The following SH3RF2 variants were observed in gnomAD, a reference collection of about 807,000 sequenced individuals.
SH3RF2 encodes the protein E3 ubiquitin-protein ligase SH3RF2.
In SH3RF2, 43 loss-of-function variants were observed where a neutral mutation model predicts 59.0. The observed-to-expected ratio is 0.73, with a 90% CI of 0.57 to 0.94. The LOEUF is 0.94. Ranked by LOEUF, SH3RF2 falls within the 40% of genes least tolerant of loss-of-function variation. The pLI is 0.00. For synonymous variants in SH3RF2, 391 were observed against 391.5 expected (o/e 1.00, Z 0.01); for missense variants, 930 against 940.1 (o/e 0.99, Z 0.14).
In SH3RF2 at chr5:145,995,991, C is replaced by T. The variant is rs78628318; in HGVS notation, c.379-4067C>T. ...TTATTCCACAGCATTATGTTAAACCCCCTAGCACATATATCTTTGCTCATT... is the reference window on the plus strand; with the variant it reads ...TTATTCCACAGCATTATGTTAAACCTCCTAGCACATATATCTTTGCTCATT... On this transcript the variant is annotated intron_variant, in intron 2 of 9. Transcript: ENST00000359120. 6.9e-3 allele frequency among the ~76,000 whole-genome samples: 1,043 copies of T among 152,142 alleles called. 12 individuals are homozygous for T. Among genetic ancestry groups the T allele is most frequent in the African/African-American group, 0.024 (1,003 of 41,488 alleles).
intron 5 of SH3RF2, among the ~76,000 whole-genome samples, chr5:146,035,073 T>C: frequency 6.6e-6 from 1 of 150,816 alleles, no homozygotes; most frequent in South Asian, 2.1e-4. Context: ...GCCACTGTAC[T>C]CCAGCCTGGG....
Position 146,062,677 on chromosome 5 carries a change from G to A in SH3RF2, c.2166G>A (p.Thr722=), listed in dbSNP as rs141207819. The A allele has an allele frequency of 2.3e-4, 364 of 1,613,516 alleles. No individual in the cohort carries two copies. Among genetic ancestry groups the A allele is most frequent in the Non-Finnish European group, 2.9e-4 (339 of 1,179,600 alleles). Residue 722 remains threonine, a synonymous_variant, in exon 10 of 10, where the codon ACG becomes ACA. Transcript: ENST00000359120. ...ATTLVSTASG[T]QTVFPSK ...CCCTGGTGTCCACTGCCTCAGGCAC[G>A]CAGACCGTGTTTCCCAGCAAATGAA...
chr5:146,071,209 T>C (rs1381330767), intron 9 of SH3RF2, among the ~76,000 whole-genome samples: 3 of 152,170 alleles, frequency 2.0e-5, no homozygotes, highest in Admixed American at 6.5e-5. Flanking sequence ...CAAAAAGGAA[T>C]TCAAATAAAT....
intron 2 of SH3RF2, among the ~76,000 whole-genome samples, chr5:145,946,722 T>C (rs1490648523): frequency 6.6e-6 from 1 of 152,192 alleles, no homozygotes; most frequent in Non-Finnish European, 1.5e-5. Flanking sequence ...TCTTACATCA[T>C]ACACCACAAA....
chr5:146,031,545 C>A lies in SH3RF2; in HGVS notation c.1060-16227C>A, dbSNP rs757707543. On this transcript the variant is annotated intron_variant, in intron 5 of 9. Coordinates refer to ENST00000359120, the MANE Select transcript of SH3RF2 (RefSeq NM_152550.4). ...AAGAAATAAGTATGTAAGTGAATGA[C>A]GGAGGGAGGGATCAACAGGGTGGGT... 3.3e-5 allele frequency among the ~76,000 whole-genome samples: 5 copies of A among 152,092 alleles called. No homozygotes were observed. In the East Asian group the frequency reaches 7.7e-4, roughly 23 times the overall value.
At chr5:146,037,904 C>G (rs1254954024) in intron 5 of SH3RF2, among the ~76,000 whole-genome samples, 1 of 152,170 alleles carries the variant, frequency 6.6e-6, no homozygotes, top group Non-Finnish European at 1.5e-5. Flanking sequence ...CTGCTTCACT[C>G]AGGAACACAG....
intron 4 of SH3RF2, 100 bp from the exon 5 acceptor site, chr5:146,013,647 A>G (rs1287387583): frequency 8.1e-7 from 1 of 1,234,770 alleles, no homozygotes; most frequent in East Asian, 2.4e-5. Flanking sequence ...GTGACTGAGG[A>G]GGTGGCACCT....
chr5:146,002,488 G>GGAAGGAAGGAA (rs1209184881), intron 3 of SH3RF2, among the ~76,000 whole-genome samples: 3 of 141,022 alleles, frequency 2.1e-5, no homozygotes, highest in African/African-American at 8.0e-5. Context: ...AAGGAAGGAA[G>GGAAGGAAGGAA]GAAGGAAGGA....
intron 9 of SH3RF2, among the ~76,000 whole-genome samples, chr5:146,078,063 G>A (rs1251831481): frequency 2.0e-5 from 3 of 152,146 alleles, no homozygotes; most frequent in African/African-American, 7.2e-5. Context: ...GCCAACCTCT[G>A]AGTGTAAAAG....
exon 10 of SH3RF2, chr5:146,081,275 T>C (rs1288084546): frequency 1.3e-5 from 2 of 151,498 alleles, no homozygotes; most frequent in African/African-American, 2.4e-5. Flanking sequence ...GGAGCACGTA[T>C]TTTTTTTTCA....
intron 2 of SH3RF2, among the ~76,000 whole-genome samples, chr5:145,987,745 G>A (rs1338602437): frequency 2.0e-5 from 3 of 152,046 alleles, no homozygotes; most frequent in Non-Finnish European, 4.4e-5. Context: ...AATATTTGTT[G>A]AAAGCAAAAA....
intron 5 of SH3RF2, among the ~76,000 whole-genome samples, chr5:146,022,282 A>G (rs935830086): frequency 6.6e-6 from 1 of 152,142 alleles, no homozygotes; most frequent in African/African-American, 2.4e-5. Flanking sequence ...ATCTTGGCTC[A>G]TTGCAACCTC....
chr5:145,997,480 C>A, intron 2 of SH3RF2: 2 of 1,563,926 alleles, frequency 1.3e-6, no homozygotes, highest in African/African-American at 2.7e-5. Context: ...ATAATGGATA[C>A]AGTACAATTT....
Position 146,057,418 on chromosome 5 carries a change from T to C in SH3RF2, c.1555+1205T>C, listed in dbSNP as rs140946252. Among the ~76,000 whole-genome samples the C allele has an allele frequency of 1.4e-3, 217 of 152,284 alleles. 1 individual carries two copies. The highest frequency in any genetic ancestry group is 4.9e-3 in the African/African-American group (202 of 41,554). On this transcript the variant is annotated intron_variant, in intron 8 of 9. Coordinates refer to ENST00000359120, the MANE Select transcript of SH3RF2 (RefSeq NM_152550.4). ...ACAACAGCCTTGGGAAAATGACTAA[T>C]TTCTTCTGCCTTCAGTTCACTCTTC...
At chr5:146,001,197 C>T (rs1473485729) in intron 3 of SH3RF2, among the ~76,000 whole-genome samples, 1 of 152,210 alleles carries the variant, frequency 6.6e-6, no homozygotes. Context: ...ACTACTTTAA[C>T]TATCTGTATT....
At chr5:145,973,538 G>C (rs967344230) in intron 2 of SH3RF2, among the ~76,000 whole-genome samples, 1 of 152,192 alleles carries the variant, frequency 6.6e-6, no homozygotes, top group African/African-American at 2.4e-5. Context: ...AGAAGGATGA[G>C]AAGTCATTGA....
rs192652009 is a variant in SH3RF2 at position 145,955,143 on chromosome 5, T to C, written c.378+16837T>C. ...CAAACTATATCAGTAACGAAGGGGGTTGGGTACTAGATGTAATGAGAAAGA... is the reference window on the plus strand; with the variant it reads ...CAAACTATATCAGTAACGAAGGGGGCTGGGTACTAGATGTAATGAGAAAGA... On this transcript the variant is annotated intron_variant, in intron 2 of 9. Transcript: ENST00000359120. Among the ~76,000 whole-genome samples, 6 of 151,924 alleles carry C rather than the reference T, an allele frequency of 3.9e-5. No individual in the cohort carries two copies. The East Asian group carries it at 1.2e-3, about 29-fold the overall frequency.
intron 5 of SH3RF2, among the ~76,000 whole-genome samples, chr5:146,028,991 T>C (rs1262714814): frequency 6.6e-6 from 1 of 152,046 alleles, no homozygotes. Context: ...AACATACATA[T>C]GTAGTGAAAA....
At chr5:145,974,116 T>A (rs1759193225) in intron 2 of SH3RF2, among the ~76,000 whole-genome samples, 1 of 152,176 alleles carries the variant, frequency 6.6e-6, no homozygotes, top group Non-Finnish European at 1.5e-5. Context: ...TCCTTGTGGC[T>A]GTAAAACTGA....
Sources: allele counts gnomAD v4.1 joint callset (sites outside exome capture counted in the v4.1 genomes callset), GRCh38; gene constraint gnomAD v4.1.1; transcripts MANE v1.5; gene names NCBI Gene and HGNC (gene_info 2026-07-23, HGNC 2026-07-21).